The following PCLO variants were observed in gnomAD, a reference collection of about 807,000 sequenced individuals.
PCLO encodes piccolo presynaptic cytomatrix protein.
In PCLO, 82 loss-of-function variants were observed where a neutral mutation model predicts 427.5. The observed-to-expected ratio is 0.19, with a 90% confidence interval of 0.16 to 0.23. The LOEUF (loss-of-function observed/expected upper bound fraction) is 0.23, where lower values mean the gene tolerates loss of function less well. PCLO is among the 10% of genes least tolerant of loss of function. The pLI, the probability that PCLO is intolerant of heterozygous loss-of-function variation, is 1.00. For synonymous variants in PCLO, 2,357 were observed against 2,155.4 expected, an observed-to-expected ratio of 1.09 and a Z score of -2.59; for missense variants, 6,239 against 6,115.9, an observed-to-expected ratio of 1.02 and a Z score of -0.67.
chr7:83,145,048 G>A (rs376118939), intron 2 of PCLO, among the ~76,000 whole-genome samples: 5 of 152,276 alleles, frequency 3.3e-5, no homozygotes, highest in African/African-American at 1.2e-4. Flanking sequence ...AGTGAGAACT[G>A]ATCTCATCTA....
At position 82,862,566 on chromosome 7, in the gene PCLO, C is replaced by CAAAAAAAA. The variant is rs36075501; in HGVS notation, c.13655-15327_13655-15320dup. On this transcript the variant is annotated intron_variant, in intron 10 of 24. Transcript: ENST00000333891. Reference sequence around the variant, plus strand: ...AAGCAACCAGAGCAAGACTCTGCCTCAAAAAAAAAAAAAAAAAAAAAGAAT... The same window carrying CAAAAAAAA: ...AAGCAACCAGAGCAAGACTCTGCCTCAAAAAAAAAAAAAAAAAAAAAAAAAAAAAGAAT... Among the ~76,000 whole-genome samples the CAAAAAAAA allele has an allele frequency of 5.4e-5, 5 of 92,212 alleles. 1 individual carries two copies. The highest frequency in any genetic ancestry group is 2.8e-4 in the East Asian group (1 of 3,540). The allele number at this position is 92,212 out of a possible 152,430, so 60.5% of individuals were successfully genotyped here. A position where few individuals can be genotyped will look rare whatever the true frequency, so the allele number is the denominator to read the frequency against.
rs1334567192 is a variant in PCLO, at chr7:82,824,405, A to C, written c.14427T>G (p.Asp4809Glu). The part of the protein sequence containing the change: ...SNDFLGEVLI[D>E]LSSTSHLDNT... ...TATCGAGGTGAGATGTGCTAGATAA[A>C]TCAATCAATACCTGAAAAAAAGTGT... Residue 4809 changes from aspartate (D) to glutamate (E), a missense_variant, in exon 19 of 25, where the codon GAT (aspartate) becomes GAG (glutamate). This residue lies in a region of PCLO where 877 missense variants were observed against 925.5 expected (regional missense o/e 0.95). Coordinates refer to ENST00000333891, the MANE Select transcript of PCLO (RefSeq NM_033026.6). 1.3e-6 allele frequency: 2 copies of C among 1,589,152 alleles called. No homozygotes were observed. The highest frequency in any genetic ancestry group is 2.3e-5 in the South Asian group (2 of 87,352).
chr7:82,972,902 G>A (rs1338797683), intron 3 of PCLO, among the ~76,000 whole-genome samples: 1 of 152,034 alleles, frequency 6.6e-6, no homozygotes, highest in Non-Finnish European at 1.5e-5. Flanking sequence ...ACCAATTGGG[G>A]AGCAATGTTA....
chr7:83,019,758 GT>G (rs2116048748), intron 3 of PCLO, among the ~76,000 whole-genome samples: 1 of 152,164 alleles, frequency 6.6e-6, no homozygotes, highest in African/African-American at 2.4e-5. Context: ...GCACTGTGTT[GT>G]TTTCCTATAT....
At chr7:82,862,374 T>C (rs1162253412) in intron 10 of PCLO, among the ~76,000 whole-genome samples, 4 of 151,856 alleles carry the variant, frequency 2.6e-5, no homozygotes, top group Non-Finnish European at 4.4e-5. Context: ...CTACAGTCAA[T>C]ATGCAGAAGA....
At chr7:83,034,769 T>C (rs544812446) in intron 3 of PCLO, among the ~76,000 whole-genome samples, 19 of 152,232 alleles carry the variant, frequency 1.2e-4, no homozygotes, top group Non-Finnish European at 2.4e-4. Flanking sequence ...CTAGTCATTA[T>C]GTGACAAGAA....
intron 20 of PCLO, among the ~76,000 whole-genome samples, chr7:82,810,999 GCTGT>G (rs1431788035): frequency 6.6e-6 from 1 of 151,656 alleles, no homozygotes; most frequent in Non-Finnish European, 1.5e-5. Context: ...TAAATAGGTT[GCTGT>G]CTATGATGTT....
chr7:82,838,891 C>T (rs1360214240), intron 14 of PCLO, among the ~76,000 whole-genome samples: 3 of 151,956 alleles, frequency 2.0e-5, no homozygotes, highest in Non-Finnish European at 2.9e-5. Flanking sequence ...AGATACCTTT[C>T]GGTACCAGCT....
chr7:82,811,721 T>C (rs1791576059), intron 20 of PCLO, among the ~76,000 whole-genome samples: 1 of 151,520 alleles, frequency 6.6e-6, no homozygotes, highest in African/African-American at 2.4e-5. Flanking sequence ...AACTGGACAC[T>C]AGAAAAATGG....
At chr7:83,035,126 C>A (rs553348939) in intron 3 of PCLO, among the ~76,000 whole-genome samples, 1 of 152,276 alleles carries the variant, frequency 6.6e-6, no homozygotes, top group South Asian at 2.1e-4. Context: ...AGTCTCTAAT[C>A]ATCCAGCATT....
At chr7:82,826,444 T>C (rs1040507441) in intron 18 of PCLO, 145 bp downstream of exon 18, 10 of 536,202 alleles carry the variant, frequency 1.9e-5, no homozygotes, top group African/African-American at 1.5e-4. Context: ...TCTACTCAAA[T>C]AGTAAATCAG....
At chr7:83,001,899 G>A (rs893776636) in intron 3 of PCLO, among the ~76,000 whole-genome samples, 3 of 152,000 alleles carry the variant, frequency 2.0e-5, no homozygotes, top group Admixed American at 1.3e-4. Context: ...AGGACTAAGT[G>A]ACTACATAAA....
intron 22 of PCLO, among the ~76,000 whole-genome samples, chr7:82,790,631 A>G (rs776363592): frequency 6.6e-6 from 1 of 152,216 alleles, no homozygotes; most frequent in African/African-American, 2.4e-5. Flanking sequence ...CCAATTGTTC[A>G]TGAACATGTT....
chr7:83,011,585 A>G (rs1788077854), intron 3 of PCLO, among the ~76,000 whole-genome samples: 1 of 141,964 alleles, frequency 7.0e-6, no homozygotes, highest in Admixed American at 7.6e-5. Flanking sequence ...GTAAATGTCT[A>G]ATACTATAAT....
At chr7:82,847,510 A>G (rs748552211) in intron 10 of PCLO, among the ~76,000 whole-genome samples, 7 of 152,168 alleles carry the variant, frequency 4.6e-5, no homozygotes, top group Non-Finnish European at 1.0e-4. Context: ...AAACGCATGC[A>G]TTCTGTTCAC....
At chr7:83,156,438 A>G in intron 1 of PCLO, 46 bp from the exon 2 acceptor site, 1 of 1,152,716 alleles carries the variant, frequency 8.7e-7, no homozygotes, top group Non-Finnish European at 1.2e-6. Context: ...AAAATAATGG[A>G]AATTATTTCA....
chr7:82,955,258 G>T lies in PCLO; in HGVS notation c.5695C>A (p.Gln1899Lys), dbSNP rs61995911. 4.3e-3 allele frequency: 6,942 copies of T among 1,613,256 alleles called. 20 individuals are homozygous for T. The highest frequency in any genetic ancestry group is 5.5e-3 in the Non-Finnish European group (6,472 of 1,179,416). Reference protein sequence around the residue: ...AVSLYSPTDEQSIMQKEGSQK... With the variant: ...AVSLYSPTDEKSIMQKEGSQK... ...CTACCTTCTTTCTGCATAATAGATTGCTCATCTGTTGGTGAGTATAATGAA... is the reference window on the plus strand; with the variant it reads ...CTACCTTCTTTCTGCATAATAGATTTCTCATCTGTTGGTGAGTATAATGAA... Residue 1899 changes from glutamine to lysine, a missense_variant, in exon 5 of 25, where the codon CAA (glutamine) becomes AAA (lysine). By Grantham distance (53) the Gln-to-Lys change is moderately conservative. This residue lies in a region of PCLO where 4,677 missense variants were observed against 4,468.4 expected (regional missense o/e 1.05). Transcript: ENST00000333891.
intron 3 of PCLO, among the ~76,000 whole-genome samples, chr7:83,049,935 T>C (rs543745537): frequency 7.9e-5 from 12 of 151,804 alleles, no homozygotes; most frequent in African/African-American, 2.7e-4. Flanking sequence ...GAATAAATGG[T>C]ACAAAAATTC....
Position 83,065,812 on chromosome 7 carries a change from T to G in PCLO, c.3300+68438A>C, listed in dbSNP as rs909624840. On this transcript the variant is annotated intron_variant, in intron 3 of 24. Transcript: ENST00000333891. ...ACATGGAAGTCAGAACAGCTGTAGT[T>G]ATAAGTGAATCGTGTCAAAAACAGT... is the stretch of plus-strand genomic sequence containing the variant. 4.6e-5 allele frequency among the ~76,000 whole-genome samples: 7 copies of G among 152,194 alleles called. No homozygotes were observed. The South Asian group carries it at 1.4e-3, about 31-fold the overall frequency.
Sources: gnomAD v4.1 joint callset for allele counts (sites outside exome capture counted in the v4.1 genomes callset) on GRCh38, gnomAD v4.1.1 for gene constraint, gnomAD v4.1.1 regional missense constraint, MANE v1.5 for transcripts, NCBI Gene and HGNC (gene_info 2026-07-23, HGNC 2026-07-21) for gene names.